The following TMEM222 variants were observed in gnomAD, a reference collection of about 807,000 sequenced individuals.
TMEM222 encodes chromosome 1 open reading frame 160.
In TMEM222, 18 loss-of-function variants were observed where a neutral mutation model predicts 25.1. That is an observed-to-expected ratio of 0.72 (90% CI 0.50 to 1.06). The LOEUF is 1.06. TMEM222 is among the 50% of genes least tolerant of loss of function. The pLI is 0.00. For synonymous variants in TMEM222, 131 were observed against 117.9 expected (o/e 1.11, Z -0.72); for missense variants, 296 against 293.7 (o/e 1.01, Z -0.06).
chr1:27,333,344 C>T (rs878908351), intron 3 of TMEM222: 1 of 471,182 alleles, frequency 2.1e-6, no homozygotes, highest in South Asian at 1.5e-5. Context: ...AACCCTCTTC[C>T]TTCATACTGG....
intron 1 of TMEM222, among the ~76,000 whole-genome samples, chr1:27,329,256 C>T (rs1185455236): frequency 2.0e-5 from 3 of 150,648 alleles, no homozygotes; most frequent in South Asian, 2.1e-4. Flanking sequence ...ATGTACCAAA[C>T]GGTGTGCGAA....
Position 27,322,368 on chromosome 1 carries a change from G to T in TMEM222, c.171G>T (p.Val57=). The T allele has an allele frequency of 6.8e-7, 1 of 1,478,240 alleles. No individual in the cohort carries two copies. Among genetic ancestry groups the T allele is most frequent in the Non-Finnish European group, 9.1e-7 (1 of 1,103,388 alleles). 91.6% of individuals were successfully genotyped at this position (1,478,240 alleles called of 1,614,324 possible). A position where few individuals can be genotyped will look rare whatever the true frequency, so the allele number is the denominator to read the frequency against. Residue 57 remains valine (V), a synonymous_variant, in exon 1 of 6, where the codon GTG becomes GTT. Coordinates refer to ENST00000374076, the MANE Select transcript of TMEM222 (RefSeq NM_032125.3). ...VERSRFPYCV[V]WTPIPVLTWF... ...GGAGTCGCTTCCCCTACTGCGTGGT[G>T]TGGACGCCCATCCCGGTGCTCACGT...
intron 1 of TMEM222, chr1:27,325,601 C>G: frequency 1.0e-6 from 1 of 959,720 alleles, no homozygotes; most frequent in Non-Finnish European, 1.7e-6. Flanking sequence ...GCATCACCGA[C>G]AGGATGCAGA....
Position 27,322,356 on chromosome 1 carries a change from C to T in TMEM222, c.159C>T (p.Pro53=), listed in dbSNP as rs1224170731. 2.6e-6 allele frequency: 4 copies of T among 1,510,628 alleles called. No homozygotes were observed. The highest frequency in any genetic ancestry group is 1.3e-5 in the South Asian group (1 of 79,796). 93.6% of individuals were successfully genotyped at this position (1,510,628 alleles called of 1,614,324 possible). A position where few individuals can be genotyped will look rare whatever the true frequency, so the allele number is the denominator to read the frequency against. The change falls in exon 1 of 6, where the codon CCC becomes CCT. Residue 53 remains proline (P), a synonymous_variant. Transcript: ENST00000374076. ...VAMDVERSRF[P]YCVVWTPIPV... is the part of the protein sequence containing the mutation. ...TGGATGTGGAACGGAGTCGCTTCCC[C>T]TACTGCGTGGTGTGGACGCCCATCC...
rs535612508 is a variant in TMEM222, at chr1:27,335,135, C to T, written c.540-244C>T. 1.2e-4 allele frequency: 68 copies of T among 567,070 alleles called. 1 individual carries two copies. The highest frequency in any genetic ancestry group is 9.0e-4 in the African/African-American group (48 of 53,444). The allele number at this position is 567,070 out of a possible 1,614,324, so 35.1% of individuals were successfully genotyped here. Reference sequence around the variant, plus strand: ...GAGCATGTTTCCTGTTCCCAACCAGCGAGGTGTCAGTAAATCACCAGGAGC... The same window carrying T: ...GAGCATGTTTCCTGTTCCCAACCAGTGAGGTGTCAGTAAATCACCAGGAGC... On this transcript the variant is annotated intron_variant, in intron 5 of 5. Transcript: ENST00000374076.
intron 1 of TMEM222, among the ~76,000 whole-genome samples, chr1:27,328,494 G>A (rs542019788): frequency 2.6e-5 from 4 of 152,288 alleles, no homozygotes; most frequent in East Asian, 1.9e-4. Context: ...TGTCTCAAGC[G>A]CTCAAGCTGT....
intron 1 of TMEM222, chr1:27,325,879 A>C (rs888026578): frequency 1.2e-5 from 9 of 753,116 alleles, no homozygotes; most frequent in Admixed American, 1.8e-5. Flanking sequence ...CATATACCTC[A>C]TGCTAGCCTC....
intron 1 of TMEM222, among the ~76,000 whole-genome samples, chr1:27,324,848 A>G (rs991437710): frequency 6.6e-6 from 1 of 152,172 alleles, no homozygotes; most frequent in Non-Finnish European, 1.5e-5. Flanking sequence ...TTAAACAACC[A>G]GATCTTGGGA....
At chr1:27,335,086 G>C (rs186359513) in intron 5 of TMEM222, 17 of 486,012 alleles carry the variant, frequency 3.5e-5, no homozygotes, top group Non-Finnish European at 6.4e-5. Flanking sequence ...GCTATAGATG[G>C]AGCCAGTGAG....
intron 2 of TMEM222, 145 bp from the exon 3 acceptor site, chr1:27,331,925 C>CCAGGG: frequency 2.3e-6 from 2 of 876,164 alleles, no homozygotes; most frequent in Non-Finnish European, 3.8e-6. Flanking sequence ...CATGCCAGCC[C>CCAGGG]CAGGGCAGGG....
chr1:27,322,460 G>T, intron 1 of TMEM222, 69 bp downstream of exon 1: 1 of 1,299,258 alleles, frequency 7.7e-7, no homozygotes, highest in Non-Finnish European at 1.0e-6. Flanking sequence ...GGCCGGGCTA[G>T]CCTCCGGCCC....
rs1480672208 is a variant in TMEM222, at chr1:27,334,194, C to T, written c.452C>T (p.Ala151Val). Residue 151 changes from alanine to valine, a missense_variant, in exon 5 of 6, where the codon GCC (alanine) becomes GTC (valine). Ala to Val is a moderately conservative substitution (Grantham distance 64). Transcript: ENST00000374076. ...CDNCHSHVAL[A>V]LNLMRYNNST... ...AACTGCCACTCGCACGTGGCATTGG[C>T]CCTGAATCTGATGCGCTACAACAAC... is the stretch of plus-strand genomic sequence containing the variant. 3.7e-6 allele frequency: 6 copies of T among 1,614,184 alleles called. No homozygotes were observed. Among genetic ancestry groups the T allele is most frequent in the Non-Finnish European group, 5.1e-6 (6 of 1,180,034 alleles).
chr1:27,328,892 G>A (rs2014414998), intron 1 of TMEM222, among the ~76,000 whole-genome samples: 9 of 152,164 alleles, frequency 5.9e-5, no homozygotes, highest in Admixed American at 5.9e-4. Flanking sequence ...AGGCAGCATT[G>A]AGGCCAGGAC....
chr1:27,322,384 G>A lies in TMEM222; in HGVS notation c.187G>A (p.Val63Met). 1 of 1,441,102 alleles carries A rather than the reference G, an allele frequency of 6.9e-7. No individual in the cohort carries two copies. Among genetic ancestry groups the A allele is most frequent in the South Asian group, 1.4e-5 (1 of 69,688 alleles). 89.3% of individuals were successfully genotyped at this position (1,441,102 alleles called of 1,614,324 possible). A position where few individuals can be genotyped will look rare whatever the true frequency, so the allele number is the denominator to read the frequency against. Reference sequence around the variant, plus strand: ...CTGCGTGGTGTGGACGCCCATCCCGGTGCTCACGTGAGTCTCTTCCGGCAT... The same window carrying A: ...CTGCGTGGTGTGGACGCCCATCCCGATGCTCACGTGAGTCTCTTCCGGCAT... The part of the protein sequence containing the change: ...PYCVVWTPIP[V>M]LTWFFPIIGH... The change falls in exon 1 of 6, where the codon GTG (valine) becomes ATG (methionine). Residue 63 changes from valine (V) to methionine (M), a missense_variant. By Grantham distance (21) the Val-to-Met change is conservative. Coordinates refer to ENST00000374076, the MANE Select transcript of TMEM222 (RefSeq NM_032125.3).
intron 1 of TMEM222, 119 bp from the exon 2 acceptor site, chr1:27,330,601 A>G: frequency 1.2e-6 from 1 of 857,072 alleles, no homozygotes; most frequent in South Asian, 1.5e-5. Context: ...CCTAATGGCC[A>G]CCTGTCAATG....
At chr1:27,330,669 T>C (rs144942324) in intron 1 of TMEM222, 51 bp from the exon 2 acceptor site, 2 of 1,502,964 alleles carry the variant, frequency 1.3e-6, no homozygotes, top group East Asian at 4.5e-5. Context: ...TCCGTCTAAC[T>C]GGCTGAAAGA....
At chr1:27,333,391 C>T (rs1207638555) in intron 3 of TMEM222, 1 of 471,210 alleles carries the variant, frequency 2.1e-6, no homozygotes, top group Admixed American at 2.3e-5. Flanking sequence ...TCTCACACCC[C>T]ATCTTAGTCC....
chr1:27,323,028 TG>T (rs2014245257), intron 1 of TMEM222, among the ~76,000 whole-genome samples: 1 of 152,216 alleles, frequency 6.6e-6, no homozygotes. Context: ...AGCTCTCATA[TG>T]GGGAGAGGTG....
intron 1 of TMEM222, chr1:27,325,723 T>A: frequency 1.1e-6 from 1 of 887,450 alleles, no homozygotes; most frequent in South Asian, 1.3e-5. Flanking sequence ...CTGTCCACCT[T>A]CCAGCAGATG....
Sources: allele counts gnomAD v4.1 joint callset (sites outside exome capture counted in the v4.1 genomes callset), GRCh38; gene constraint gnomAD v4.1.1; transcripts MANE v1.5; gene names NCBI Gene and HGNC (gene_info 2026-07-23, HGNC 2026-07-21).